Variants in MMP17 observed in about 807,000 individuals in gnomAD.
MMP17 encodes matrix metalloproteinase-17.
In MMP17, 54 loss-of-function variants were observed where a neutral mutation model predicts 49.1. That is an observed-to-expected ratio of 1.10 (90% CI 0.88 to 1.38). The LOEUF is 1.38. Among genes scored for constraint, MMP17 ranks in the 40% most tolerant of loss-of-function variants. The pLI is 0.00. For synonymous variants in MMP17, 397 were observed against 383.1 expected (o/e 1.04, Z -0.42); for missense variants, 837 against 853.7 (o/e 0.98, Z 0.24).
chr12:131,840,864 T>A lies in MMP17; in HGVS notation c.706+8T>A, dbSNP rs764619033. The stretch of plus-strand genomic sequence containing the variant: ...GGACCTTCCGCTCCTCGGGTGCGTC[T>A]GGGGCAGCCCTCAGGGCAGAGTCAG... On this transcript the variant is annotated splice_region_variant and intron_variant, in intron 4 of 9. Coordinates refer to ENST00000360564, the MANE Select transcript of MMP17 (RefSeq NM_016155.7). 2.5e-6 allele frequency: 4 copies of A among 1,584,734 alleles called. No homozygotes were observed. The highest frequency in any genetic ancestry group is 1.3e-5 in the African/African-American group (1 of 74,524).
At chr12:131,844,199 C>T (rs944774360) in intron 6 of MMP17, 118 bp downstream of exon 6, 38 of 796,114 alleles carry the variant, frequency 4.8e-5, no homozygotes, top group Admixed American at 2.1e-4. Context: ...GCTGTGTGGC[C>T]GACTGAGCCC....
intron 8 of MMP17, 94 bp downstream of exon 8, chr12:131,845,543 C>T (rs1009600774): frequency 1.4e-5 from 20 of 1,428,540 alleles, no homozygotes; most frequent in African/African-American, 1.1e-4. Context: ...GTAAGCCCTA[C>T]GTCTGCCCAG....
In MMP17 at chr12:131,828,630, G is replaced by A; in HGVS notation, c.136G>A (p.Ala46Thr). 1.4e-6 allele frequency: 1 copy of A among 717,820 alleles called. No homozygotes were observed. Among genetic ancestry groups the A allele is most frequent in the Non-Finnish European group, 1.8e-6 (1 of 568,768 alleles). 44.5% of individuals were successfully genotyped at this position (717,820 alleles called of 1,614,324 possible). ...CGCCGCGCCCGCACCCGCGCCGCGC[G>A]CCGAGGACCTCAGCCTGGGAGTGGT... The part of the protein sequence containing the change: ...GCAAPAPAPR[A>T]EDLSLGVEWL... The change falls in exon 1 of 10, where the codon GCC (alanine) becomes ACC (threonine). Residue 46 changes from alanine to threonine, a missense_variant. Transcript: ENST00000360564.
chr12:131,850,904 A>G, intron 9 of MMP17, 21 bp from the exon 10 acceptor site: 2 of 1,452,106 alleles, frequency 1.4e-6, no homozygotes, highest in Non-Finnish European at 1.8e-6. Context: ...CCCTGAGCTC[A>G]GCTCTCCCTC....
In MMP17 at chr12:131,846,677, C is replaced by T. The variant is rs1197532876; in HGVS notation, c.1204+1228C>T. Among the ~76,000 whole-genome samples, 1 of 152,086 alleles carries T rather than the reference C, an allele frequency of 6.6e-6. No individual in the cohort carries two copies. Among genetic ancestry groups the T allele is most frequent in the Admixed American group, 6.6e-5 (1 of 15,260 alleles). ...GATGTGAGCCACTGCACCCGGCCTG[C>T]CTAATCCCATCTTAACTCATCTTAA... On this transcript the variant is annotated intron_variant, in intron 8 of 9. Transcript: ENST00000360564. This position sits in a 1 kb window ranked among gnomAD's most constrained non-coding sequence, Gnocchi z 4.6.
At position 131,845,304 on chromosome 12, in the gene MMP17, C is replaced by T. The variant is rs1314106394; in HGVS notation, c.1059C>T (p.Tyr353=). Residue 353 remains tyrosine, a synonymous_variant, in exon 8 of 10, where the codon TAC becomes TAT. Transcript: ENST00000360564. ...TCCCCTCTGTGCCCCCAGGCAAGTACTTCTGGCGGCTGACGCGGGACCGGC... is the reference window on the plus strand; with the variant it reads ...TCCCCTCTGTGCCCCCAGGCAAGTATTTCTGGCGGCTGACGCGGGACCGGC... ...RGEAFFFKGK[Y]FWRLTRDRHL... 2.5e-6 allele frequency: 4 copies of T among 1,607,996 alleles called. No homozygotes were observed. The highest frequency in any genetic ancestry group is 3.4e-6 in the Non-Finnish European group (4 of 1,175,814).
intron 1 of MMP17, among the ~76,000 whole-genome samples, chr12:131,836,925 C>T (rs890135618): frequency 2.0e-5 from 3 of 152,240 alleles, no homozygotes; most frequent in East Asian, 1.9e-4. Context: ...CAGGTCCCCA[C>T]GATGGCACCC....
chr12:131,838,583 A>G (rs750189049), intron 2 of MMP17, 29 bp from the exon 3 acceptor site: 3 of 1,598,858 alleles, frequency 1.9e-6, no homozygotes, highest in South Asian at 1.1e-5. Flanking sequence ...GAGCTGGGCT[A>G]GGCTCTGAGC....
At chr12:131,849,734 A>G (rs1012867498) in intron 8 of MMP17, 68 bp from the exon 9 acceptor site, 31 of 1,520,974 alleles carry the variant, frequency 2.0e-5, no homozygotes, top group African/African-American at 1.4e-4. Flanking sequence ...GGAGAAGGAA[A>G]GGCAGGAGCC....
chr12:131,841,520 G>A, intron 4 of MMP17, 104 bp from the exon 5 acceptor site: 1 of 1,201,560 alleles, frequency 8.3e-7, no homozygotes. Context: ...CGGCATCGAG[G>A]CATCCCCATG....
chr12:131,830,161 C>T (rs909111659), intron 1 of MMP17, among the ~76,000 whole-genome samples: 1 of 152,228 alleles, frequency 6.6e-6, no homozygotes, highest in Non-Finnish European at 1.5e-5. Flanking sequence ...GACCCCCGGC[C>T]GAGCCATGTT....
intron 8 of MMP17, among the ~76,000 whole-genome samples, chr12:131,849,273 CAGG>C (rs1462850737): frequency 6.6e-6 from 1 of 152,208 alleles, no homozygotes; most frequent in Non-Finnish European, 1.5e-5. Context: ...CACCTGAGGT[CAGG>C]AGTTCGAGAC....
intron 8 of MMP17, among the ~76,000 whole-genome samples, chr12:131,849,410 G>C (rs907997568): frequency 2.6e-5 from 4 of 152,354 alleles, no homozygotes; most frequent in African/African-American, 9.6e-5. Context: ...CTTGAACCCA[G>C]GGGCGGAGGT....
At chr12:131,845,484 C>T (rs79420934) in intron 8 of MMP17, 35 bp downstream of exon 8, 12 of 1,531,238 alleles carry the variant, frequency 7.8e-6, no homozygotes, top group Middle Eastern at 2.1e-4. Flanking sequence ...CCGGGCTTCC[C>T]GGGCCCTCTG....
In MMP17 at chr12:131,849,785, G is replaced by A; in HGVS notation, c.1205-17G>A. 7 of 1,602,960 alleles carry A rather than the reference G, an allele frequency of 4.4e-6. No individual in the cohort carries two copies. Among genetic ancestry groups the A allele is most frequent in the African/African-American group, 1.3e-5 (1 of 74,828 alleles). On this transcript the variant is annotated splice_polypyrimidine_tract_variant and intron_variant, in intron 8 of 9. Coordinates refer to ENST00000360564, the MANE Select transcript of MMP17 (RefSeq NM_016155.7). ...TGGGGCCGAGCCCCGGCCCACAGCT[G>A]TTTCTCTCGCCCCCAGGAGACAGGT...
chr12:131,833,071 T>A (rs1264006536), intron 1 of MMP17, among the ~76,000 whole-genome samples: 1 of 152,240 alleles, frequency 6.6e-6, no homozygotes, highest in Non-Finnish European at 1.5e-5. Flanking sequence ...TGAGGATACA[T>A]GTCCGAACTC....
At chr12:131,847,028 A>G (rs60345733) in intron 8 of MMP17, among the ~76,000 whole-genome samples, 32,152 of 149,728 alleles carry the variant, frequency 0.21, 3,605 homozygotes, top group African/African-American at 0.24. Context: ...CAGGAGGACC[A>G]CCTGAGCCAG....
chr12:131,845,328 G>A lies in MMP17; in HGVS notation c.1083G>A (p.Arg361=). ...GKYFWRLTRD[R]HLVSLQPAQM... ...ACTTCTGGCGGCTGACGCGGGACCG[G>A]CACCTGGTGTCCCTGCAGCCGGCAC... Residue 361 remains arginine, a synonymous_variant, in exon 8 of 10, where the codon CGG becomes CGA. Coordinates refer to ENST00000360564, the MANE Select transcript of MMP17 (RefSeq NM_016155.7). 6.2e-7 allele frequency: 1 copy of A among 1,605,406 alleles called. No individual in the cohort carries two copies. Among genetic ancestry groups the A allele is most frequent in the Non-Finnish European group, 8.5e-7 (1 of 1,175,426 alleles).
Position 131,850,993 on chromosome 12 carries a change from G to A in MMP17, c.1531G>A (p.Gly511Arg), listed in dbSNP as rs764265338. The A allele has an allele frequency of 6.4e-6, 10 of 1,569,802 alleles. No individual in the cohort carries two copies. The Middle Eastern group carries it at 5.1e-4, about 80-fold the overall frequency. The change falls in exon 10 of 10, where the codon GGG becomes AGG. Residue 511 changes from glycine to arginine, a missense_variant. Gly to Arg is a moderately radical substitution (Grantham distance 125). Coordinates refer to ENST00000360564, the MANE Select transcript of MMP17 (RefSeq NM_016155.7). ...VLDGELEVAP[G>R]YPQSTARDWL... is the part of the protein sequence containing the mutation. ...GGATGGCGAGCTGGAGGTGGCACCC[G>A]GGTACCCACAGTCCACGGCCCGGGA...
Sources: gnomAD v4.1 joint callset for allele counts (sites outside exome capture counted in the v4.1 genomes callset) on GRCh38, gnomAD v4.1.1 for gene constraint, Gnocchi (gnomAD v3.1) non-coding constraint, MANE v1.5 for transcripts, NCBI Gene and HGNC (gene_info 2026-07-23, HGNC 2026-07-21) for gene names.